Variants in ANO6 observed in about 807,000 individuals in gnomAD.
ANO6 encodes anoctamin 6, also known as anoctamin-6.
ANO6 carries 106 observed loss-of-function variants against 117.5 expected under a neutral mutation model. The observed-to-expected ratio is 0.90, with a 90% CI of 0.77 to 1.06. The LOEUF (loss-of-function observed/expected upper bound fraction) is 1.06. ANO6 is among the 50% of genes least tolerant of loss of function. The pLI, the probability that ANO6 is intolerant of heterozygous loss-of-function variation, is 0.00. For missense variants in ANO6, 955 were observed against 1,121.1 expected, an observed-to-expected ratio of 0.85 and a Z score of 2.12; for synonymous variants, 367 against 385.1, an observed-to-expected ratio of 0.95 and a Z score of 0.55.
intron 2 of ANO6, among the ~76,000 whole-genome samples, chr12:45,307,716 G>GC (rs1362172272): frequency 2.0e-5 from 3 of 152,098 alleles, no homozygotes; most frequent in Admixed American, 6.6e-5. Context: ...GCTGGACTGA[G>GC]CCCGGGGGCA....
Position 45,357,442 on chromosome 12 carries a change from C to T in ANO6, c.998+18C>T. The T allele has an allele frequency of 6.2e-7, 1 of 1,612,920 alleles. No homozygotes were observed. Among genetic ancestry groups the T allele is most frequent in the Admixed American group, 1.7e-5 (1 of 60,016 alleles). On this transcript the variant is annotated intron_variant, in intron 8 of 19. Transcript: ENST00000320560. Reference sequence around the variant, plus strand: ...ACATGGAGGTAACCTCTGTTTATTCCTTGTTGCCATGCTGAAAAGTTTATT... The same window carrying T: ...ACATGGAGGTAACCTCTGTTTATTCTTTGTTGCCATGCTGAAAAGTTTATT...
chr12:45,388,079 ATAAT>A, intron 10 of ANO6, 78 bp from the exon 11 acceptor site: 4 of 1,562,146 alleles, frequency 2.6e-6, no homozygotes, highest in Non-Finnish European at 3.5e-6. Flanking sequence ...AGTACAATGG[ATAAT>A]TAATATTATT....
chr12:45,347,768 T>C (rs957910090), intron 4 of ANO6, among the ~76,000 whole-genome samples: 3 of 152,230 alleles, frequency 2.0e-5, no homozygotes, highest in African/African-American at 7.2e-5. Flanking sequence ...AGTTTGGTTT[T>C]CTTCATTTTA....
chr12:45,331,154 C>T, intron 2 of ANO6, 141 bp from the exon 3 acceptor site: 2 of 694,136 alleles, frequency 2.9e-6, no homozygotes, highest in Non-Finnish European at 2.4e-6. Context: ...GTCATAGTGG[C>T]CATGACTGTT....
exon 20 of ANO6, chr12:45,439,732 C>T: frequency 1.9e-6 from 3 of 1,546,760 alleles, no homozygotes; most frequent in Non-Finnish European, 2.6e-6. Flanking sequence ...TCACTGCAAC[C>T]TCCGCCTCCC....
intron 1 of ANO6, 119 bp downstream of exon 1, chr12:45,216,510 C>T (rs188613479): frequency 9.4e-6 from 11 of 1,169,788 alleles, no homozygotes; most frequent in Non-Finnish European, 1.3e-5. Context: ...CGCTCGGCCG[C>T]TCCGGGCAGG....
At chr12:45,255,705 A>G (rs577867869) in intron 1 of ANO6, among the ~76,000 whole-genome samples, 1 of 152,186 alleles carries the variant, frequency 6.6e-6, no homozygotes, top group East Asian at 1.9e-4. Context: ...CAACCGTAGA[A>G]TACATATTTT....
intron 7 of ANO6, among the ~76,000 whole-genome samples, chr12:45,354,586 T>A (rs1941364072): frequency 6.6e-6 from 1 of 152,120 alleles, no homozygotes; most frequent in South Asian, 2.1e-4. Context: ...CTGAGGGCAT[T>A]TATTCAAGGA....
chr12:45,340,763 T>G (rs1345702863), intron 3 of ANO6, among the ~76,000 whole-genome samples: 2 of 152,180 alleles, frequency 1.3e-5, no homozygotes, highest in Non-Finnish European at 2.9e-5. Context: ...ATTTTTTAAA[T>G]GTCAAGAACA....
chr12:45,427,871 G>A (rs1213632476), intron 19 of ANO6, among the ~76,000 whole-genome samples: 2 of 150,786 alleles, frequency 1.3e-5, no homozygotes, highest in South Asian at 4.2e-4. Context: ...CCCGGAAGAT[G>A]GAGGTTGCAG....
At chr12:45,291,261 G>A (rs751975411) in intron 1 of ANO6, among the ~76,000 whole-genome samples, 2 of 149,632 alleles carry the variant, frequency 1.3e-5, no homozygotes, top group Non-Finnish European at 3.0e-5. Flanking sequence ...CAGGAAAATC[G>A]CTTGAATCCA....
At position 45,429,824 on chromosome 12, in the gene ANO6, A is replaced by G. The variant is rs974169552; in HGVS notation, c.*513A>G. ...CTAGACTCAAGGATTCACAATATTTAGGTGTATTTTCAATACCTCCAGAAA... is the reference window on the plus strand; with the variant it reads ...CTAGACTCAAGGATTCACAATATTTGGGTGTATTTTCAATACCTCCAGAAA... On this transcript the variant is annotated 3_prime_UTR_variant, in exon 20 of 20. Coordinates refer to ENST00000320560, the MANE Select transcript of ANO6 (RefSeq NM_001025356.3). The G allele has an allele frequency of 4.8e-5, 48 of 992,322 alleles. No individual in the cohort carries two copies. The highest frequency in any genetic ancestry group is 1.1e-4 in the Admixed American group (2 of 17,708). 61.5% of individuals were successfully genotyped at this position (992,322 alleles called of 1,614,324 possible).
At chr12:45,437,419 CATTTT>C (rs1278753004) in intron 19 of ANO6, among the ~76,000 whole-genome samples, 1 of 152,026 alleles carries the variant, frequency 6.6e-6, no homozygotes, top group Non-Finnish European at 1.5e-5. Flanking sequence ...TCCATTACAA[CATTTT>C]ATGTTTTACA....
At chr12:45,400,310 A>G (rs1196994604) in intron 12 of ANO6, among the ~76,000 whole-genome samples, 2 of 152,172 alleles carry the variant, frequency 1.3e-5, no homozygotes. Context: ...CACATAATAA[A>G]CACCCTGTAT....
chr12:45,357,432 CT>C lies in ANO6; in HGVS notation c.998+9del. ...AGATAACTGTACATGGAGGTAACCT[CT>C]GTTTATTCCTTGTTGCCATGCTGAA... On this transcript the variant is annotated intron_variant, in intron 8 of 19. Transcript: ENST00000320560. 1 of 1,613,164 alleles carries C rather than the reference CT, an allele frequency of 6.2e-7. No individual in the cohort carries two copies. The highest frequency in any genetic ancestry group is 8.5e-7 in the Non-Finnish European group (1 of 1,179,978).
chr12:45,384,540 C>T (rs554056095), intron 10 of ANO6, among the ~76,000 whole-genome samples: 1 of 152,228 alleles, frequency 6.6e-6, no homozygotes, highest in Admixed American at 6.5e-5. Flanking sequence ...TATTAATTGG[C>T]CTAATTTCAC....
At chr12:45,280,676 C>A (rs1420874541) in intron 1 of ANO6, among the ~76,000 whole-genome samples, 1 of 152,118 alleles carries the variant, frequency 6.6e-6, no homozygotes, top group African/African-American at 2.4e-5. Context: ...GCTCTCCTAT[C>A]AATCACAGAA....
chr12:45,322,530 C>A (rs538532746), intron 2 of ANO6, among the ~76,000 whole-genome samples: 1 of 152,084 alleles, frequency 6.6e-6, no homozygotes, highest in Non-Finnish European at 1.5e-5. Flanking sequence ...TTTTTGACCC[C>A]TTCTGTGACT....
chr12:45,434,463 A>C (rs1179246671), downstream of ANO6, among the ~76,000 whole-genome samples: 1 of 152,184 alleles, frequency 6.6e-6, no homozygotes, highest in Non-Finnish European at 1.5e-5. Flanking sequence ...AAATCAAATC[A>C]AATTTTACCT....
Sources: gnomAD v4.1 joint callset for allele counts (sites outside exome capture counted in the v4.1 genomes callset) on GRCh38, gnomAD v4.1.1 for gene constraint, MANE v1.5 for transcripts, NCBI Gene and HGNC (gene_info 2026-07-23, HGNC 2026-07-21) for gene names.